CSMD1: variants seen among roughly 807,000 people sequenced by gnomAD.
CSMD1 encodes the protein CUB and Sushi multiple domains 1.
In CSMD1, 213 loss-of-function variants were observed where a neutral mutation model predicts 417.5. The observed-to-expected ratio is 0.51, with a 90% CI of 0.46 to 0.57. The LOEUF (loss-of-function observed/expected upper bound fraction) is 0.57, where lower values mean the gene tolerates loss of function less well. Among genes scored for constraint, CSMD1 ranks in the 20% least tolerant of loss-of-function variants. CSMD1 has a pLI of 0.00. For synonymous variants in CSMD1, 2,862 were observed against 1,736.8 expected (o/e 1.65, Z -16.11); for missense variants, 6,923 against 4,529.7 (o/e 1.53, Z -15.17).
intron 1 of CSMD1, among the ~76,000 whole-genome samples, chr8:4,672,064 A>G (rs986507358): frequency 2.0e-5 from 3 of 152,174 alleles, no homozygotes; most frequent in African/African-American, 7.2e-5. Context: ...TTTTGTTGAA[A>G]GATAGAGTTT....
At chr8:4,485,411 T>A (rs1215516060) in intron 2 of CSMD1, among the ~76,000 whole-genome samples, 1 of 152,170 alleles carries the variant, frequency 6.6e-6, no homozygotes, top group Non-Finnish European at 1.5e-5. Flanking sequence ...CCTGATAAAC[T>A]GACTCTCACA....
At chr8:3,564,065 G>C (rs781267119) in intron 10 of CSMD1, among the ~76,000 whole-genome samples, 3 of 151,932 alleles carry the variant, frequency 2.0e-5, no homozygotes, top group Non-Finnish European at 4.4e-5. Context: ...TGATATTTTG[G>C]TACATGTATA....
chr8:3,692,492 A>T (rs2623599), intron 7 of CSMD1, among the ~76,000 whole-genome samples: 3,066 of 149,574 alleles, frequency 0.02, 95 homozygotes, highest in African/African-American at 0.074. Flanking sequence ...CCCAGGCTGG[A>T]GTGCACTGGC....
chr8:4,047,307 T>G (rs758455970), intron 3 of CSMD1, among the ~76,000 whole-genome samples: 9 of 152,062 alleles, frequency 5.9e-5, no homozygotes, highest in Non-Finnish European at 1.3e-4. Context: ...AGACATAAAG[T>G]GGAATATTCT....
intron 42 of CSMD1, among the ~76,000 whole-genome samples, chr8:3,117,415 C>T (rs1816937807): frequency 1.3e-5 from 2 of 152,132 alleles, no homozygotes; most frequent in African/African-American, 2.4e-5. Flanking sequence ...TACTGATATG[C>T]TTCTTTTACT....
At chr8:3,678,997 C>G (rs537907504) in intron 7 of CSMD1, among the ~76,000 whole-genome samples, 1 of 152,120 alleles carries the variant, frequency 6.6e-6, no homozygotes, top group East Asian at 1.9e-4. Context: ...GAGATTTTGC[C>G]ACCACCAGAC....
At chr8:4,796,699 C>A (rs1585113933) in intron 1 of CSMD1, among the ~76,000 whole-genome samples, 1 of 152,178 alleles carries the variant, frequency 6.6e-6, no homozygotes, top group Non-Finnish European at 1.5e-5. Context: ...ATCCATTGAC[C>A]ATTTCCCTCC....
chr8:3,505,993 G>A (rs10106457), intron 10 of CSMD1, among the ~76,000 whole-genome samples: 53,963 of 152,050 alleles, frequency 0.35, 9,823 homozygotes, highest in Middle Eastern at 0.48. Context: ...AAAAATACAC[G>A]TATGTATATT....
intron 5 of CSMD1, among the ~76,000 whole-genome samples, chr8:3,932,103 C>T (rs149205287): frequency 1.3e-5 from 2 of 150,368 alleles, no homozygotes; most frequent in East Asian, 2.0e-4. Context: ...TCCAGAATAA[C>T]ATTCTTGAAA....
chr8:3,974,402 T>C (rs995130743), intron 5 of CSMD1, among the ~76,000 whole-genome samples: 33 of 152,032 alleles, frequency 2.2e-4, no homozygotes, highest in African/African-American at 7.7e-4. Context: ...AAACATGTAT[T>C]TTTATTTTCA....
chr8:4,203,050 T>C (rs940096067), intron 3 of CSMD1, among the ~76,000 whole-genome samples: 4 of 152,134 alleles, frequency 2.6e-5, no homozygotes, highest in Admixed American at 2.0e-4. Context: ...ATTTGACAGG[T>C]GTGAGAGTTA....
chr8:3,141,030 G>A (rs1818406034), intron 41 of CSMD1, among the ~76,000 whole-genome samples: 1 of 152,198 alleles, frequency 6.6e-6, no homozygotes, highest in South Asian at 2.1e-4. Context: ...CAGACTTACT[G>A]CCATATGGAT....
At chr8:4,268,812 T>C (rs1017116601) in intron 3 of CSMD1, among the ~76,000 whole-genome samples, 6 of 152,092 alleles carry the variant, frequency 3.9e-5, no homozygotes, top group African/African-American at 9.7e-5. Context: ...TATAAAATGG[T>C]TAATAGCCCC....
At chr8:3,449,200 G>C (rs1815524314) in intron 12 of CSMD1, among the ~76,000 whole-genome samples, 1 of 152,144 alleles carries the variant, frequency 6.6e-6, no homozygotes. Context: ...TAAATTATTT[G>C]CATCAAAATA....
chr8:4,837,071 C>G (rs781475830), intron 1 of CSMD1, among the ~76,000 whole-genome samples: 15 of 150,848 alleles, frequency 9.9e-5, no homozygotes, highest in African/African-American at 3.2e-4. Flanking sequence ...GGCTCTGGGA[C>G]AGAAAGAAGT....
intron 1 of CSMD1, among the ~76,000 whole-genome samples, chr8:4,962,558 G>C (rs140041433): frequency 2.6e-5 from 4 of 152,252 alleles, no homozygotes; most frequent in South Asian, 2.1e-4. Flanking sequence ...TTTCTGATTA[G>C]TTTACTATAG....
intron 5 of CSMD1, among the ~76,000 whole-genome samples, chr8:3,947,370 A>T (rs185763677): frequency 2.4e-4 from 37 of 152,334 alleles, no homozygotes; most frequent in Admixed American, 2.2e-3. Flanking sequence ...CGTATTCCTG[A>T]AAGTGACCCC....
chr8:4,637,184 C>G (rs553285353), intron 2 of CSMD1, among the ~76,000 whole-genome samples, 158 bp downstream of exon 2: 15 of 151,326 alleles, frequency 9.9e-5, no homozygotes, highest in Admixed American at 9.2e-4. Context: ...AAACTCACCC[C>G]AAAGGTCTGT....
intron 5 of CSMD1, among the ~76,000 whole-genome samples, chr8:3,973,361 G>T (rs143036552): frequency 1.3e-5 from 2 of 152,140 alleles, no homozygotes; most frequent in African/African-American, 4.8e-5. Context: ...ATTTTCAAAA[G>T]AATATTTAAC....
Sources: gnomAD v4.1 joint callset for allele counts (sites outside exome capture counted in the v4.1 genomes callset) on GRCh38, gnomAD v4.1.1 for gene constraint, MANE v1.5 for transcripts, NCBI Gene and HGNC (gene_info 2026-07-23, HGNC 2026-07-21) for gene names.